ACO2: variants seen among roughly 807,000 people sequenced by gnomAD.
ACO2 encodes the protein aconitase 2.
Under a neutral mutation model 84.5 loss-of-function variants are expected in ACO2, and 31 were observed. That is an observed-to-expected ratio of 0.37 (90% CI 0.28 to 0.50). ACO2 has a LOEUF of 0.50. ACO2 is among the 20% of genes least tolerant of loss of function. The pLI is 0.97. For missense variants in ACO2, 685 were observed against 1,029.3 expected (o/e 0.67, Z 4.58); for synonymous variants, 414 against 412.7 (o/e 1.00, Z -0.04).
intron 1 of ACO2, among the ~76,000 whole-genome samples, chr22:41,479,319 C>T (rs1208133066): frequency 6.6e-6 from 1 of 152,198 alleles, no homozygotes; most frequent in African/African-American, 2.4e-5. Flanking sequence ...ATCAGGCCCT[C>T]TGTGCCAGTC....
At chr22:41,526,148 AC>A in intron 14 of ACO2, 113 bp from the exon 15 acceptor site, 1 of 881,584 alleles carries the variant, frequency 1.1e-6, no homozygotes, top group Non-Finnish European at 1.8e-6. Flanking sequence ...CCTGCCTCTC[AC>A]CCCTCTGTCA....
At chr22:41,521,798 A>C (rs1260899289) in intron 9 of ACO2, among the ~76,000 whole-genome samples, 3 of 150,012 alleles carry the variant, frequency 2.0e-5, no homozygotes, top group Non-Finnish European at 3.0e-5. Context: ...TTTTTGAGAC[A>C]GAGTCTTGCT....
At chr22:41,527,101 G>A (rs926105588) in intron 15 of ACO2, 187 bp from the exon 16 acceptor site, 48 of 816,524 alleles carry the variant, frequency 5.9e-5, no homozygotes, top group Non-Finnish European at 7.9e-5. Flanking sequence ...TCGGGGCCTC[G>A]TTTGGGTCTC....
intron 9 of ACO2, among the ~76,000 whole-genome samples, chr22:41,521,032 C>T (rs1407433184): frequency 9.1e-6 from 1 of 110,476 alleles, no homozygotes; most frequent in Non-Finnish European, 1.8e-5. Context: ...CAGAGCCTGC[C>T]TCCAAAAAAA....
chr22:41,486,298 CTTCTT>C (rs2038154073), intron 1 of ACO2, among the ~76,000 whole-genome samples: 1 of 151,918 alleles, frequency 6.6e-6, no homozygotes, highest in Non-Finnish European at 1.5e-5. Flanking sequence ...CTGTCAACCT[CTTCTT>C]TTTTTTTTGA....
In ACO2 at chr22:41,528,737, C is replaced by T. The variant is rs2066658890; in HGVS notation, c.*124C>T. On this transcript the variant is annotated 3_prime_UTR_variant, in exon 18 of 18. Coordinates refer to ENST00000216254, the MANE Select transcript of ACO2 (RefSeq NM_001098.3). Reference sequence around the variant, plus strand: ...GGTGTGACCAGACATGCTTCCTGCTCCCCGCTTAGCCCACGGAGTGACTGT... The same window carrying T: ...GGTGTGACCAGACATGCTTCCTGCTTCCCGCTTAGCCCACGGAGTGACTGT... 1.5e-6 allele frequency: 2 copies of T among 1,347,104 alleles called. No homozygotes were observed. The highest frequency in any genetic ancestry group is 2.0e-6 in the Non-Finnish European group (2 of 1,006,722). 83.4% of individuals were successfully genotyped at this position (1,347,104 alleles called of 1,614,324 possible). A position where few individuals can be genotyped will look rare whatever the true frequency, so the allele number is the denominator to read the frequency against.
At chr22:41,489,555 G>C (rs1344358354) in intron 1 of ACO2, among the ~76,000 whole-genome samples, 1 of 152,108 alleles carries the variant, frequency 6.6e-6, no homozygotes, top group Non-Finnish European at 1.5e-5. Context: ...GAAGAGACCA[G>C]GCCAGTTTTC....
At chr22:41,528,207 C>T (rs927160011) in intron 17 of ACO2, 185 bp downstream of exon 17, 48 of 973,614 alleles carry the variant, frequency 4.9e-5, no homozygotes, top group Middle Eastern at 3.3e-4. Context: ...GGAGTCAACC[C>T]GGGGCCCTCA....
At chr22:41,524,706 C>T in intron 12 of ACO2, 140 bp from the exon 13 acceptor site, 2 of 1,341,412 alleles carry the variant, frequency 1.5e-6, no homozygotes, top group Non-Finnish European at 2.1e-6. Context: ...GCAGCTCTGG[C>T]CTCTGAGGAA....
At chr22:41,492,644 A>G (rs940217907) in intron 1 of ACO2, among the ~76,000 whole-genome samples, 1 of 152,158 alleles carries the variant, frequency 6.6e-6, no homozygotes, top group African/African-American at 2.4e-5. Flanking sequence ...GTGCTGGTGC[A>G]TGCCTGTAAT....
intron 1 of ACO2, among the ~76,000 whole-genome samples, chr22:41,479,111 A>G (rs1482126141): frequency 6.6e-6 from 1 of 152,172 alleles, no homozygotes; most frequent in African/African-American, 2.4e-5. Flanking sequence ...GGGAGAAGTC[A>G]TCTAAATAGC....
chr22:41,506,275 T>C (rs1217586118), intron 2 of ACO2, among the ~76,000 whole-genome samples: 2 of 151,266 alleles, frequency 1.3e-5, no homozygotes, highest in African/African-American at 2.4e-5. Context: ...TTTTTTGAGA[T>C]AGAGTCTTGC....
At chr22:41,479,450 T>C (rs2038061282) in intron 1 of ACO2, among the ~76,000 whole-genome samples, 1 of 152,136 alleles carries the variant, frequency 6.6e-6, no homozygotes, top group Admixed American at 6.6e-5. Flanking sequence ...GTTAAATAGC[T>C]CCTCTGAGGT....
chr22:41,495,682 G>C (rs1486770386), intron 1 of ACO2, among the ~76,000 whole-genome samples: 1 of 149,246 alleles, frequency 6.7e-6, no homozygotes, highest in Non-Finnish European at 1.5e-5. Context: ...GTGCAGTGAT[G>C]TGATCTCGGC....
At chr22:41,523,551 G>A (rs2066545262) in intron 11 of ACO2, among the ~76,000 whole-genome samples, 1 of 152,342 alleles carries the variant, frequency 6.6e-6, no homozygotes, top group South Asian at 2.1e-4. Context: ...CACAGCAGGA[G>A]CCGTTTGGGA....
chr22:41,512,846 C>G (rs1231884975), intron 4 of ACO2, among the ~76,000 whole-genome samples: 2 of 152,156 alleles, frequency 1.3e-5, no homozygotes, highest in Non-Finnish European at 2.9e-5. Context: ...GACCACTGAC[C>G]TAGTTTGTGT....
chr22:41,507,847 C>T lies in ACO2; in HGVS notation c.230C>T (p.Pro77Leu). ...ATTGTGTATGGACACCTGGATGACC[C>T]CGCCAGCCAGGAAATTGAGCGAGGC... The part of the protein sequence containing the change: ...EKIVYGHLDD[P>L]ASQEIERGKS... Residue 77 changes from proline (P) to leucine (L), a missense_variant, in exon 3 of 18, where the codon CCC (proline) becomes CTC (leucine). Pro to Leu is a moderately conservative substitution (Grantham distance 98). Transcript: ENST00000216254. 1.9e-6 allele frequency: 3 copies of T among 1,614,238 alleles called. No homozygotes were observed. The highest frequency in any genetic ancestry group is 2.5e-6 in the Non-Finnish European group (3 of 1,180,052).
chr22:41,484,815 T>A (rs1036789629), intron 1 of ACO2, among the ~76,000 whole-genome samples: 4 of 151,536 alleles, frequency 2.6e-5, no homozygotes, highest in African/African-American at 7.3e-5. Context: ...GAAATTGGGG[T>A]GAAATGTGCT....
chr22:41,502,521 T>C (rs1031697578), intron 2 of ACO2, among the ~76,000 whole-genome samples: 2 of 152,220 alleles, frequency 1.3e-5, no homozygotes, highest in African/African-American at 4.8e-5. Context: ...GGAAAAGTGA[T>C]AGATTTTTCT....
Sources: allele counts gnomAD v4.1 joint callset (sites outside exome capture counted in the v4.1 genomes callset), GRCh38; gene constraint gnomAD v4.1.1; transcripts MANE v1.5; gene names NCBI Gene and HGNC (gene_info 2026-07-23, HGNC 2026-07-21).